The following USO1 variants were observed in gnomAD, a reference collection of about 807,000 sequenced individuals.
USO1 encodes USO1 vesicle transport factor.
Under a neutral mutation model 124.5 loss-of-function variants are expected in USO1, and 57 were observed. The ratio of observed to expected loss-of-function variants is 0.46; its 90% CI spans 0.37 to 0.57. The LOEUF is 0.57. Ranked by LOEUF, USO1 falls within the 20% of genes least tolerant of loss-of-function variation. USO1 has a pLI of 0.00. For synonymous variants in USO1, 369 were observed against 362.8 expected, an observed-to-expected ratio of 1.02 and a Z score of -0.19; for missense variants, 900 against 1,040.6, an observed-to-expected ratio of 0.86 and a Z score of 1.86.
chr4:75,798,027 T>C (rs764915439), intron 13 of USO1, among the ~76,000 whole-genome samples: 3 of 152,228 alleles, frequency 2.0e-5, no homozygotes, highest in Non-Finnish European at 2.9e-5. Flanking sequence ...TTTTGTGCTC[T>C]TTAGGAGTGT....
intron 13 of USO1, among the ~76,000 whole-genome samples, chr4:75,795,646 G>GT (rs1269008740): frequency 6.6e-6 from 1 of 151,888 alleles, no homozygotes; most frequent in African/African-American, 2.4e-5. Flanking sequence ...GGTTTTTTGT[G>GT]TTTTTTCTCC....
chr4:75,805,191 G>A lies in USO1; in HGVS notation c.2177G>A (p.Gly726Asp), dbSNP rs1477907056. ...TACAGTGAGGGGGCTCAGATGAATG[G>A]CATTCAGCCAGAAGAAATTGGTAGA... The part of the protein sequence containing the change: ...GSYSEGAQMN[G>D]IQPEEIGRLR... The change falls in exon 19 of 24, where the codon GGC (glycine) becomes GAC (aspartate). Residue 726 changes from glycine to aspartate, a missense_variant. This residue lies in a region of USO1 where 362 missense variants were observed against 359.0 expected (regional missense o/e 1.01). Transcript: ENST00000514213. 1 of 1,612,206 alleles carries A rather than the reference G, an allele frequency of 6.2e-7. No homozygotes were observed. The highest frequency in any genetic ancestry group is 1.1e-5 in the South Asian group (1 of 90,750).
intron 1 of USO1, among the ~76,000 whole-genome samples, chr4:75,745,161 G>A (rs561204515): frequency 4.0e-5 from 6 of 151,892 alleles, no homozygotes; most frequent in Non-Finnish European, 7.4e-5. Context: ...TATTATCTCA[G>A]CTAGTTTAAT....
chr4:75,799,571 T>C, intron 13 of USO1, 51 bp from the exon 14 acceptor site: 2 of 1,598,316 alleles, frequency 1.3e-6, no homozygotes, highest in African/African-American at 1.3e-5. Context: ...AACTTTAAGT[T>C]TGAAAAATAT....
intron 18 of USO1, among the ~76,000 whole-genome samples, chr4:75,804,807 A>G (rs1378749291): frequency 1.3e-5 from 2 of 152,202 alleles, no homozygotes; most frequent in African/African-American, 2.4e-5. Context: ...TTTAAATAGT[A>G]TTATCCTACG....
intron 8 of USO1, among the ~76,000 whole-genome samples, chr4:75,782,236 CAT>C (rs1177640951): frequency 6.6e-6 from 1 of 152,154 alleles, no homozygotes; most frequent in African/African-American, 2.4e-5. Flanking sequence ...TACATGATAT[CAT>C]GTCTCTGTCT....
intron 18 of USO1, chr4:75,804,868 C>T: frequency 3.4e-6 from 1 of 293,330 alleles, no homozygotes; most frequent in Non-Finnish European, 6.2e-6. Context: ...ATTCAGTTGA[C>T]AGAATTGGAA....
chr4:75,799,873 G>C (rs1722794015), intron 14 of USO1, 141 bp downstream of exon 14: 1 of 965,320 alleles, frequency 1.0e-6, no homozygotes, highest in East Asian at 2.8e-5. Context: ...AACTGTTAAA[G>C]TTGTTATGAT....
At chr4:75,747,254 A>G (rs1721151067) in intron 1 of USO1, among the ~76,000 whole-genome samples, 1 of 152,158 alleles carries the variant, frequency 6.6e-6, no homozygotes, top group Non-Finnish European at 1.5e-5. Context: ...TAATGGTGCT[A>G]GGTAAATAAG....
At chr4:75,739,584 A>G (rs1443932194) in intron 1 of USO1, among the ~76,000 whole-genome samples, 2 of 120,908 alleles carry the variant, frequency 1.7e-5, no homozygotes, top group Non-Finnish European at 3.2e-5. Flanking sequence ...TCTGTTGCCC[A>G]GGGTGGAGTG....
intron 1 of USO1, among the ~76,000 whole-genome samples, chr4:75,739,620 A>G (rs1456199966): frequency 7.1e-6 from 1 of 140,962 alleles, no homozygotes. Context: ...GGCTCACTGC[A>G]AGCTCTGCCT....
chr4:75,742,893 C>G (rs553169576), intron 1 of USO1, among the ~76,000 whole-genome samples: 1 of 152,078 alleles, frequency 6.6e-6, no homozygotes. Flanking sequence ...CTTAAAACTA[C>G]TAATCGTCTT....
intron 1 of USO1, 27 bp downstream of exon 1, chr4:75,724,912 TG>T (rs1175579616): frequency 6.2e-7 from 1 of 1,610,404 alleles, no homozygotes; most frequent in East Asian, 2.3e-5. Context: ...GTCTGGGACT[TG>T]GGAAGGGGTC....
At chr4:75,769,260 G>T (rs1721854863) in intron 4 of USO1, among the ~76,000 whole-genome samples, 1 of 152,132 alleles carries the variant, frequency 6.6e-6, no homozygotes, top group Non-Finnish European at 1.5e-5. Context: ...CTTTTAAAAT[G>T]AAAGTATAAA....
At chr4:75,744,045 G>A (rs550394878) in intron 1 of USO1, among the ~76,000 whole-genome samples, 286 of 152,248 alleles carry the variant, frequency 1.9e-3, no homozygotes, top group Non-Finnish European at 3.1e-3. Flanking sequence ...CAAAGTGCTG[G>A]GATTACAGGC....
chr4:75,813,415 A>T lies in USO1; in HGVS notation c.*120A>T, dbSNP rs1723206107. 17 of 1,103,744 alleles carry T rather than the reference A, an allele frequency of 1.5e-5. No homozygotes were observed. The highest frequency in any genetic ancestry group is 2.0e-5 in the Non-Finnish European group (17 of 834,208). 68.4% of individuals were successfully genotyped at this position (1,103,744 alleles called of 1,614,324 possible). On this transcript the variant is annotated 3_prime_UTR_variant, in exon 24 of 24. Coordinates refer to ENST00000514213, the MANE Select transcript of USO1 (RefSeq NM_003715.4). ...ACCAGGTGGAAAACATTCACTATTAAGACTATTGATATATTTTTGTAATGT... is the reference window on the plus strand; with the variant it reads ...ACCAGGTGGAAAACATTCACTATTATGACTATTGATATATTTTTGTAATGT...
At chr4:75,753,504 C>T (rs1348916544) in intron 3 of USO1, among the ~76,000 whole-genome samples, 1 of 151,930 alleles carries the variant, frequency 6.6e-6, no homozygotes, top group Admixed American at 6.6e-5. Flanking sequence ...AACTGCACTT[C>T]AGCCTGGGCA....
chr4:75,811,100 C>T (rs1273154343), intron 22 of USO1, among the ~76,000 whole-genome samples: 2 of 151,966 alleles, frequency 1.3e-5, no homozygotes, highest in Non-Finnish European at 2.9e-5. Flanking sequence ...CATACATATG[C>T]ATGTACTATA....
chr4:75,753,904 C>T (rs1224621128), intron 3 of USO1, among the ~76,000 whole-genome samples: 3 of 151,718 alleles, frequency 2.0e-5, no homozygotes, highest in East Asian at 3.9e-4. Flanking sequence ...CTGCCTCAGC[C>T]TCCCAAGTAG....
Sources: allele counts gnomAD v4.1 joint callset (sites outside exome capture counted in the v4.1 genomes callset), GRCh38; gene constraint gnomAD v4.1.1; regional missense constraint gnomAD v4.1.1; transcripts MANE v1.5; gene names NCBI Gene and HGNC (gene_info 2026-07-23, HGNC 2026-07-21).